Variants in GSG1L observed in about 807,000 individuals in gnomAD.
GSG1L encodes the protein germ cell-specific gene 1-like protein.
GSG1L carries 24 observed loss-of-function variants against 42.1 expected under a neutral mutation model. The ratio of observed to expected loss-of-function variants is 0.57; its 90% confidence interval spans 0.41 to 0.80. The LOEUF (loss-of-function observed/expected upper bound fraction) is 0.80, where lower values mean the gene tolerates loss of function less well. GSG1L is among the 30% of genes least tolerant of loss of function. The probability of loss-of-function intolerance (pLI) is 0.00; values close to 1 mark genes in which losing one functional copy is unlikely to be tolerated. For synonymous variants in GSG1L, 215 were observed against 203.5 expected (o/e 1.06, Z -0.48); for missense variants, 445 against 472.2 (o/e 0.94, Z 0.53).
chr16:27,856,860 A>G (rs2083585407), intron 3 of GSG1L, among the ~76,000 whole-genome samples: 1 of 152,124 alleles, frequency 6.6e-6, no homozygotes, highest in African/African-American at 2.4e-5. Flanking sequence ...TTGGGTGAGG[A>G]GTGGGGTGGT....
intron 3 of GSG1L, among the ~76,000 whole-genome samples, chr16:27,873,514 C>T (rs2083849063): frequency 6.6e-6 from 1 of 152,128 alleles, no homozygotes; most frequent in Non-Finnish European, 1.5e-5. Context: ...GCACTGTGAC[C>T]TGTATGATGA....
At chr16:27,802,861 C>T (rs2082899413) in intron 6 of GSG1L, among the ~76,000 whole-genome samples, 1 of 151,896 alleles carries the variant, frequency 6.6e-6, no homozygotes, top group Non-Finnish European at 1.5e-5. Flanking sequence ...TGCTATGTTG[C>T]CCAGGCTGGT....
intron 4 of GSG1L, 66 bp downstream of exon 4, chr16:27,844,884 G>T: frequency 2.9e-6 from 2 of 688,072 alleles, no homozygotes; most frequent in Non-Finnish European, 2.4e-6. Context: ...GGGCTGAGCT[G>T]CTGAAGTCCC....
intron 3 of GSG1L, among the ~76,000 whole-genome samples, chr16:27,854,402 G>C (rs745770520): frequency 4.6e-5 from 7 of 151,964 alleles, no homozygotes; most frequent in African/African-American, 1.5e-4. Flanking sequence ...CCCCAAGAAG[G>C]AATGAGCTGC....
intron 1 of GSG1L, among the ~76,000 whole-genome samples, chr16:27,993,955 A>G (rs899275638): frequency 2.0e-5 from 3 of 152,194 alleles, no homozygotes; most frequent in Admixed American, 6.5e-5. Context: ...CAAATGAGAC[A>G]CCCAGGCCTC....
chr16:28,061,375 G>T (rs2086337967), intron 1 of GSG1L, among the ~76,000 whole-genome samples: 1 of 152,172 alleles, frequency 6.6e-6, no homozygotes, highest in Non-Finnish European at 1.5e-5. Context: ...AAGTGGGTCT[G>T]ATGGGATGAA....
At position 27,833,347 on chromosome 16, in the gene GSG1L, A is replaced by C. The variant is rs150608238; in HGVS notation, c.663-4391T>G. Reference sequence around the variant, plus strand: ...GAGTTCTCTATTTTTTTTTTCATTGATCTATGTGCCTATCCTTCCACTAAT... The same window carrying C: ...GAGTTCTCTATTTTTTTTTTCATTGCTCTATGTGCCTATCCTTCCACTAAT... On this transcript the variant is annotated intron_variant, in intron 4 of 6. Transcript: ENST00000447459. Among the ~76,000 whole-genome samples, 4 of 151,696 alleles carry C rather than the reference A, an allele frequency of 2.6e-5. No homozygotes were observed. In the East Asian group the frequency reaches 7.7e-4, roughly 29 times the overall value.
At chr16:27,905,689 T>C (rs2084313004) in intron 2 of GSG1L, among the ~76,000 whole-genome samples, 1 of 152,168 alleles carries the variant, frequency 6.6e-6, no homozygotes, top group Non-Finnish European at 1.5e-5. Context: ...ATGAAGGGTC[T>C]ATCCTAGCAC....
intron 3 of GSG1L, among the ~76,000 whole-genome samples, chr16:27,865,523 CTATATATATATATATATATATATATATA>C (rs1172385916): frequency 1.7e-5 from 1 of 58,270 alleles, no homozygotes; most frequent in Admixed American, 2.4e-4. Flanking sequence ...CTCTCTCTTT[CTATATATATATATATATATATATATATA>C]TATATATATA....
chr16:27,885,282 T>C (rs977767454), intron 2 of GSG1L, among the ~76,000 whole-genome samples: 2 of 152,092 alleles, frequency 1.3e-5, no homozygotes, highest in Admixed American at 6.6e-5. Flanking sequence ...CTCACGTAGA[T>C]GGAAATATGG....
rs575230447 is a variant in GSG1L, at chr16:27,995,215, G to A, written c.350-32012C>T. Among the ~76,000 whole-genome samples, 14 of 152,292 alleles carry A rather than the reference G, an allele frequency of 9.2e-5. No homozygotes were observed. The South Asian group carries it at 1.2e-3, about 14-fold the overall frequency. ...AAGGCTGCAAAAAGATGAACTGCAC[G>A]TTCAAGTGTAAAGGCAGCAGGCAGA... is the stretch of plus-strand genomic sequence containing the variant. On this transcript the variant is annotated intron_variant, in intron 1 of 6. Transcript: ENST00000447459.
At chr16:27,944,070 G>T (rs1190500013) in intron 2 of GSG1L, among the ~76,000 whole-genome samples, 1 of 152,128 alleles carries the variant, frequency 6.6e-6, no homozygotes, top group African/African-American at 2.4e-5. Flanking sequence ...ACCCTCCCCT[G>T]GGGAAAGGGA....
intron 4 of GSG1L, among the ~76,000 whole-genome samples, chr16:27,833,466 T>C (rs139055354): frequency 2.5e-4 from 38 of 152,306 alleles, no homozygotes; most frequent in African/African-American, 8.4e-4. Context: ...AAAATTGTTT[T>C]AGAAATTCTA....
At position 27,798,848 on chromosome 16, in the gene GSG1L, C is replaced by T. The variant is rs145663121; in HGVS notation, c.899-7381G>A. Reference sequence around the variant, plus strand: ...CCATGTCATAGCTTTAGCTTGGAGTCAGACAGGCTTGTGACCCCAAGGTCA... The same window carrying T: ...CCATGTCATAGCTTTAGCTTGGAGTTAGACAGGCTTGTGACCCCAAGGTCA... On this transcript the variant is annotated intron_variant, in intron 6 of 6. Transcript: ENST00000447459. Among the ~76,000 whole-genome samples, 687 of 152,196 alleles carry T rather than the reference C, an allele frequency of 4.5e-3. 8 individuals carry two copies. The highest frequency in any genetic ancestry group is 0.015 in the African/African-American group (639 of 41,514).
At chr16:27,908,111 G>A (rs1250528698) in intron 2 of GSG1L, among the ~76,000 whole-genome samples, 1 of 152,260 alleles carries the variant, frequency 6.6e-6, no homozygotes, top group African/African-American at 2.4e-5. Context: ...GATGTTAGCG[G>A]ATGAGACACA....
At chr16:27,799,988 T>TC (rs1233720936) in intron 6 of GSG1L, among the ~76,000 whole-genome samples, 1 of 151,884 alleles carries the variant, frequency 6.6e-6, no homozygotes, top group Non-Finnish European at 1.5e-5. Context: ...GAACCCTGGG[T>TC]CCCCCGCCAG....
chr16:27,820,422 T>C (rs1299375619), intron 5 of GSG1L, among the ~76,000 whole-genome samples: 3 of 151,618 alleles, frequency 2.0e-5, no homozygotes, highest in African/African-American at 7.3e-5. Flanking sequence ...TGCCGAGAGC[T>C]GCTTCGTGGA....
chr16:27,961,608 G>A (rs1259354194), intron 2 of GSG1L, among the ~76,000 whole-genome samples: 1 of 152,194 alleles, frequency 6.6e-6, no homozygotes. Context: ...TGATGCTTGC[G>A]ACGTGCTTGG....
At chr16:27,823,974 G>A (rs575766509) in intron 5 of GSG1L, 1 of 702,460 alleles carries the variant, frequency 1.4e-6, no homozygotes, top group Admixed American at 2.0e-5. Context: ...GAAATTAACT[G>A]AGTCACATCT....
Sources: gnomAD v4.1 joint callset for allele counts (sites outside exome capture counted in the v4.1 genomes callset) on GRCh38, gnomAD v4.1.1 for gene constraint, MANE v1.5 for transcripts, NCBI Gene and HGNC (gene_info 2026-07-23, HGNC 2026-07-21) for gene names.